The following CDC14A variants were observed in gnomAD, a reference collection of about 807,000 sequenced individuals.
CDC14A encodes cell division cycle 14A.
A neutral mutation model predicts 74.4 loss-of-function variants in CDC14A; 53 were observed. The observed-to-expected ratio is 0.71, with a 90% confidence interval of 0.57 to 0.89. CDC14A has a LOEUF of 0.89. CDC14A is among the 40% of genes least tolerant of loss of function. CDC14A has a pLI of 0.00. For missense variants in CDC14A, 646 were observed against 713.7 expected (o/e 0.91, Z 1.08); for synonymous variants, 247 against 258.4 (o/e 0.96, Z 0.43).
At chr1:100,383,217 C>T (rs1656393534) in intron 3 of CDC14A, among the ~76,000 whole-genome samples, 2 of 152,008 alleles carry the variant, frequency 1.3e-5, no homozygotes, top group South Asian at 2.1e-4. Flanking sequence ...CAGGAAGAAC[C>T]CCGTTTATAG....
intron 8 of CDC14A, among the ~76,000 whole-genome samples, chr1:100,457,475 T>C (rs889075476): frequency 6.6e-6 from 1 of 152,174 alleles, no homozygotes; most frequent in Non-Finnish European, 1.5e-5. Context: ...TTTGTTTATT[T>C]AGAGACAGGC....
rs1312209306 is a variant in CDC14A, at chr1:100,396,227, G to A, written c.309+5403G>A. 2.6e-5 allele frequency among the ~76,000 whole-genome samples: 4 copies of A among 152,302 alleles called. No homozygotes were observed. The East Asian group carries it at 7.7e-4, about 29-fold the overall frequency. The stretch of plus-strand genomic sequence containing the variant: ...GAGGCTTCTTGCTTTGCTGAATCTT[G>A]GGGAAGTCTAGGGCCTAGGGGGTGG... On this transcript the variant is annotated intron_variant, in intron 4 of 15. Transcript: ENST00000336454.
chr1:100,450,828 T>C (rs770989215), intron 7 of CDC14A, among the ~76,000 whole-genome samples: 9 of 152,228 alleles, frequency 5.9e-5, no homozygotes, highest in Non-Finnish European at 1.0e-4. Flanking sequence ...TCCAAACTTC[T>C]TAAGAGAGCA....
In CDC14A at chr1:100,479,836, A is replaced by G. The variant is rs543493648; in HGVS notation, c.978-4456A>G. Among the ~76,000 whole-genome samples, 8 of 152,334 alleles carry G rather than the reference A, an allele frequency of 5.3e-5. No individual in the cohort carries two copies. In the South Asian group the frequency reaches 6.2e-4, roughly 12 times the overall value. On this transcript the variant is annotated intron_variant, in intron 10 of 15. Coordinates refer to ENST00000336454, the MANE Select transcript of CDC14A (RefSeq NM_003672.4). Reference sequence around the variant, plus strand: ...TACTGGAACTACTGACTAAGCAAAAATAAAATCCTAATATGGGTTCAAGTA... The same window carrying G: ...TACTGGAACTACTGACTAAGCAAAAGTAAAATCCTAATATGGGTTCAAGTA...
intron 4 of CDC14A, among the ~76,000 whole-genome samples, chr1:100,422,679 T>G (rs1406586514): frequency 6.6e-6 from 1 of 152,226 alleles, no homozygotes; most frequent in Non-Finnish European, 1.5e-5. Context: ...TTCTATTGCT[T>G]TTTGTTTCAC....
chr1:100,486,754 G>A (rs1214468262), intron 11 of CDC14A, among the ~76,000 whole-genome samples: 1 of 152,186 alleles, frequency 6.6e-6, no homozygotes, highest in Admixed American at 6.5e-5. Context: ...TGAAATTCAA[G>A]AGCAGAAATG....
chr1:100,401,605 TG>T (rs1395643098), intron 4 of CDC14A, among the ~76,000 whole-genome samples: 1 of 152,208 alleles, frequency 6.6e-6, no homozygotes, highest in African/African-American at 2.4e-5. Flanking sequence ...TGGATAATAA[TG>T]TTAATTTTAC....
intron 12 of CDC14A, among the ~76,000 whole-genome samples, chr1:100,495,552 A>C (rs1647649542): frequency 6.6e-6 from 1 of 152,240 alleles, no homozygotes; most frequent in South Asian, 2.1e-4. Context: ...ATCATTTTTT[A>C]AAATTACAAT....
Position 100,414,498 on chromosome 1 carries a change from C to T in CDC14A, c.310-9724C>T, listed in dbSNP as rs188572747. Among the ~76,000 whole-genome samples the T allele has an allele frequency of 6.1e-3, 933 of 152,258 alleles. 25 individuals carry two copies. Among genetic ancestry groups the T allele is most frequent in the Middle Eastern group, 6.8e-3 (2 of 294 alleles). On this transcript the variant is annotated intron_variant, in intron 4 of 15. Transcript: ENST00000336454. Reference sequence around the variant, plus strand: ...CCATCTTCATTACAAAGTTATGGTTCCTTGCCTTGTAAACTTGATCCAATT... The same window carrying T: ...CCATCTTCATTACAAAGTTATGGTTTCTTGCCTTGTAAACTTGATCCAATT...
intron 2 of CDC14A, among the ~76,000 whole-genome samples, chr1:100,354,418 A>T (rs549640761): frequency 3.0e-4 from 45 of 152,254 alleles, no homozygotes; most frequent in Admixed American, 2.6e-4. Flanking sequence ...AAACTTTTTG[A>T]TATTATTTTC....
At position 100,434,554 on chromosome 1, in the gene CDC14A, C is replaced by T. The variant is rs1410828379; in HGVS notation, c.390-5378C>T. Among the ~76,000 whole-genome samples, 4 of 152,088 alleles carry T rather than the reference C, an allele frequency of 2.6e-5. No homozygotes were observed. In the East Asian group the frequency reaches 7.7e-4, roughly 29 times the overall value. ...AGTTTTAAGAGTGGGTGTAGGAAGG[C>T]AGTGGCAATGGAATTGGCAAGTGAT... On this transcript the variant is annotated intron_variant, in intron 5 of 15. Transcript: ENST00000336454.
Position 100,518,157 on chromosome 1 carries a change from A to G in CDC14A, c.1756-94A>G, listed in dbSNP as rs2101493070. On this transcript the variant is annotated intron_variant, in intron 15 of 15. Coordinates refer to ENST00000336454, the MANE Select transcript of CDC14A (RefSeq NM_003672.4). ...GGCTTAGTTTATTTCATTGATCTCT[A>G]AGCTGTCTTGTGTGGAAGGGAGAAG... is the stretch of plus-strand genomic sequence containing the variant. The G allele has an allele frequency of 7.8e-6, 7 of 900,990 alleles. No individual in the cohort carries two copies. In the South Asian group the frequency reaches 1.0e-4, roughly 13 times the overall value. The allele number at this position is 900,990 out of a possible 1,614,324, so 55.8% of individuals were successfully genotyped here.
intron 9 of CDC14A, among the ~76,000 whole-genome samples, chr1:100,467,373 T>C (rs1667940565): frequency 6.6e-6 from 1 of 152,110 alleles, no homozygotes; most frequent in African/African-American, 2.4e-5. Context: ...AAACTATCAA[T>C]GTTTCCCTAC....
intron 11 of CDC14A, among the ~76,000 whole-genome samples, chr1:100,491,861 C>T (rs1054958435): frequency 2.2e-5 from 3 of 133,756 alleles, no homozygotes; most frequent in Non-Finnish European, 4.7e-5. Context: ...TGTGAGCCAC[C>T]GTGCCTAGCC....
chr1:100,507,676 A>AT (rs34870212), intron 15 of CDC14A, among the ~76,000 whole-genome samples: 70 of 146,432 alleles, frequency 4.8e-4, no homozygotes, highest in Non-Finnish European at 8.0e-4. Flanking sequence ...TAGCCCCACA[A>AT]TTTTTTTTTT....
chr1:100,412,738 T>TATATA (rs1491428571), intron 4 of CDC14A, among the ~76,000 whole-genome samples: 1 of 97,362 alleles, frequency 1.0e-5, no homozygotes, highest in African/African-American at 6.8e-5. Flanking sequence ...TATATATATA[T>TATATA]TTTATATATA....
intron 7 of CDC14A, among the ~76,000 whole-genome samples, chr1:100,447,064 G>A (rs967681103): frequency 1.1e-4 from 17 of 152,136 alleles, no homozygotes; most frequent in African/African-American, 4.1e-4. Context: ...GTGCATAGTA[G>A]CCACATGTAG....
In CDC14A at chr1:100,424,285, C is replaced by A. The variant is rs541334140; in HGVS notation, c.373C>A (p.Pro125Thr). Residue 125 changes from proline to threonine, a missense_variant, in exon 5 of 16, where the codon CCC becomes ACC. Physicochemically the swap from Pro to Thr is conservative, Grantham distance 38 (BLOSUM62 -1). Coordinates refer to ENST00000336454, the MANE Select transcript of CDC14A (RefSeq NM_003672.4). ...YRALLSGSNP[P>T]YLPFRDASFG... ...AGCACTCCTGTCTGGCTCAAACCCCCCCTATCTTCCATTCAGGTATAACTC... is the reference window on the plus strand; with the variant it reads ...AGCACTCCTGTCTGGCTCAAACCCCACCTATCTTCCATTCAGGTATAACTC... 2.5e-6 allele frequency: 4 copies of A among 1,613,262 alleles called. No individual in the cohort carries two copies. The highest frequency in any genetic ancestry group is 2.5e-6 in the Non-Finnish European group (3 of 1,179,270).
At chr1:100,420,720 A>T (rs1242139325) in intron 4 of CDC14A, among the ~76,000 whole-genome samples, 9 of 152,206 alleles carry the variant, frequency 5.9e-5, no homozygotes, top group African/African-American at 2.2e-4. Context: ...ACATGGTGGT[A>T]CCTACGGCAG....
Sources: allele counts gnomAD v4.1 joint callset (sites outside exome capture counted in the v4.1 genomes callset), GRCh38; gene constraint gnomAD v4.1.1; transcripts MANE v1.5; gene names NCBI Gene and HGNC (gene_info 2026-07-23, HGNC 2026-07-21).